The following WNT5B variants were observed in gnomAD, a reference collection of about 807,000 sequenced individuals.
WNT5B encodes the protein Wnt family member 5B.
In WNT5B, 18 loss-of-function variants were observed where a neutral mutation model predicts 36.5. That is an observed-to-expected ratio of 0.49 (90% confidence interval 0.34 to 0.73). WNT5B has a LOEUF of 0.73. WNT5B is among the 30% of genes least tolerant of loss of function. The pLI, the probability that WNT5B is intolerant of heterozygous loss-of-function variation, is 0.01. For missense variants in WNT5B, 424 were observed against 508.4 expected (o/e 0.83, Z 1.60); for synonymous variants, 213 against 212.3 (o/e 1.00, Z -0.03).
At chr12:1,642,729 T>C (rs1418483085) in intron 4 of WNT5B, among the ~76,000 whole-genome samples, 1 of 152,166 alleles carries the variant, frequency 6.6e-6, no homozygotes, top group Non-Finnish European at 1.5e-5. Flanking sequence ...TGTTGTCTTG[T>C]CCGGGCTGTT....
rs746356942 is a variant in WNT5B at position 1,632,181 on chromosome 12, T to C, written c.81-477T>C. ...AAAGGATTGATTGCTTTCCATGGCT[T>C]ATCATGTACTTGGGCTGCACTGAAC... is the stretch of plus-strand genomic sequence containing the variant. On this transcript the variant is annotated intron_variant, in intron 2 of 4. Coordinates refer to ENST00000397196, the MANE Select transcript of WNT5B (RefSeq NM_032642.3). The surrounding 1 kb of genome is among the most constrained non-coding windows in gnomAD (Gnocchi z 5.8). Among the ~76,000 whole-genome samples, 12 of 152,336 alleles carry C rather than the reference T, an allele frequency of 7.9e-5. No homozygotes were observed. Among genetic ancestry groups the C allele is most frequent in the Non-Finnish European group, 1.3e-4 (9 of 68,024 alleles).
At chr12:1,642,402 G>A (rs933951433) in intron 4 of WNT5B, among the ~76,000 whole-genome samples, 2 of 152,124 alleles carry the variant, frequency 1.3e-5, no homozygotes, top group Admixed American at 6.5e-5. Context: ...ATCTTCAATC[G>A]GGCATTCTTG....
intron 1 of WNT5B, among the ~76,000 whole-genome samples, chr12:1,621,052 CAA>C (rs759235124): frequency 2.4e-4 from 2 of 8,288 alleles, no homozygotes; most frequent in African/African-American, 5.4e-4. Context: ...TTTATCCTTT[CAA>C]GAGATAAGAA....
chr12:1,639,710 G>T lies in WNT5B; in HGVS notation c.355G>T (p.Ala119Ser). The T allele has an allele frequency of 6.3e-7, 1 of 1,582,632 alleles. No individual in the cohort carries two copies. The highest frequency in any genetic ancestry group is 8.6e-7 in the Non-Finnish European group (1 of 1,168,008). Residue 119 changes from alanine to serine, a missense_variant, in exon 4 of 5, where the codon GCG becomes TCG. Physicochemically the swap from Ala to Ser is moderately conservative, Grantham distance 99. Transcript: ENST00000397196. ...IGSRETAFTH[A>S]VSAAGVVNAI... ...CAGCCGAGAGACCGCCTTCACCCAC[G>T]CGGTGAGCGCCGCGGGCGTGGTCAA...
At chr12:1,622,082 G>C (rs551736689) in intron 1 of WNT5B, among the ~76,000 whole-genome samples, 64 of 148,908 alleles carry the variant, frequency 4.3e-4, no homozygotes, top group African/African-American at 1.5e-3. Context: ...GAGTACAGCT[G>C]CTCCCTTAGG....
intron 4 of WNT5B, among the ~76,000 whole-genome samples, chr12:1,640,388 T>C (rs572993040): frequency 6.6e-6 from 1 of 152,166 alleles, no homozygotes. Flanking sequence ...TGTTAAAGGC[T>C]CTGGTAATAG....
chr12:1,635,168 G>T (rs115920052), intron 3 of WNT5B, among the ~76,000 whole-genome samples: 230 of 152,316 alleles, frequency 1.5e-3, no homozygotes, highest in African/African-American at 5.3e-3. Flanking sequence ...AGACCCGACT[G>T]AAAGAGGCAG....
chr12:1,623,649 T>G (rs1021973349), intron 1 of WNT5B, among the ~76,000 whole-genome samples: 1 of 152,206 alleles, frequency 6.6e-6, no homozygotes, highest in Admixed American at 6.5e-5. Flanking sequence ...TGAGTTTCAC[T>G]GTTAAGGCCA....
intron 3 of WNT5B, among the ~76,000 whole-genome samples, chr12:1,637,098 T>C (rs2094563227): frequency 6.6e-6 from 1 of 152,164 alleles, no homozygotes; most frequent in Non-Finnish European, 1.5e-5. Context: ...GTGATCCTCC[T>C]GTCTCGGCCT....
At chr12:1,645,446 A>G (rs2094583567) in intron 4 of WNT5B, among the ~76,000 whole-genome samples, 1 of 152,218 alleles carries the variant, frequency 6.6e-6, no homozygotes, top group Non-Finnish European at 1.5e-5. Flanking sequence ...GCTTTGATCA[A>G]GATGGAGATA....
At chr12:1,624,497 C>T (rs2094538506), upstream of WNT5B, among the ~76,000 whole-genome samples, 1 of 151,654 alleles carries the variant, frequency 6.6e-6, no homozygotes, top group Non-Finnish European at 1.5e-5. Flanking sequence ...GTCAACCATT[C>T]AATTGCTGTA....
intron 1 of WNT5B, 32 bp from the exon 2 acceptor site, chr12:1,631,266 C>A: frequency 1.3e-6 from 2 of 1,573,652 alleles, no homozygotes; most frequent in South Asian, 1.2e-5. Flanking sequence ...CGCTGAGTTT[C>A]CACACTGACT....
upstream of WNT5B, among the ~76,000 whole-genome samples, chr12:1,628,965 G>A (rs2094545104): frequency 6.6e-6 from 1 of 151,942 alleles, no homozygotes; most frequent in South Asian, 2.1e-4. Context: ...GTGTATGGGG[G>A]AGTTCAGTTT....
At chr12:1,626,703 T>C (rs1181139728), upstream of WNT5B, among the ~76,000 whole-genome samples, 1 of 152,048 alleles carries the variant, frequency 6.6e-6, no homozygotes, top group East Asian at 1.9e-4. Flanking sequence ...TAGCTGGGAC[T>C]ACAGGCGCCC....
chr12:1,625,208 T>C (rs766569149), upstream of WNT5B, among the ~76,000 whole-genome samples: 7 of 152,056 alleles, frequency 4.6e-5, no homozygotes, highest in Non-Finnish European at 8.8e-5. Context: ...CGTTTTCAAA[T>C]AGGGGAATAT....
rs535040843 is a variant in WNT5B at position 1,630,170 on chromosome 12, A to T, written c.-58+799A>T. 5.0e-4 allele frequency: 497 copies of T among 985,212 alleles called. 1 individual carries two copies. The African/African-American group carries it at 7.9e-3, about 16-fold the overall frequency. The allele number at this position is 985,212 out of a possible 1,614,324, so 61.0% of individuals were successfully genotyped here. A position where few individuals can be genotyped will look rare whatever the true frequency, so the allele number is the denominator to read the frequency against. On this transcript the variant is annotated intron_variant, in intron 1 of 4. Coordinates refer to ENST00000397196, the MANE Select transcript of WNT5B (RefSeq NM_032642.3). The surrounding 1 kb of genome is among the most constrained non-coding windows in gnomAD (Gnocchi z 5.3). ...CCGCCCCCTCCCGGGGAGCCTGGGG[A>T]CGCCGACGCGCGAGAGTGGCGCAGT... is the stretch of plus-strand genomic sequence containing the variant.
chr12:1,617,814 T>C (rs139984711), intron 1 of WNT5B, among the ~76,000 whole-genome samples: 79 of 152,188 alleles, frequency 5.2e-4, no homozygotes, highest in African/African-American at 1.9e-3. Context: ...AAGACATTCA[T>C]ATTCCAAAGA....
At position 1,645,978 on chromosome 12, in the gene WNT5B, G is replaced by T. The variant is rs552195210; in HGVS notation, c.806G>T (p.Arg269Leu). 5.0e-6 allele frequency: 8 copies of T among 1,611,036 alleles called. No homozygotes were observed. The African/African-American group carries it at 8.0e-5, about 16-fold the overall frequency. The change falls in exon 5 of 5, where the codon CGC becomes CTC. Residue 269 changes from arginine to leucine, a missense_variant. Coordinates refer to ENST00000397196, the MANE Select transcript of WNT5B (RefSeq NM_032642.3). ...RKGRLELVNSRFTQPTPEDLV... is the reference protein window; with the variant it reads ...RKGRLELVNSLFTQPTPEDLV... ...GGCCGGCTGGAGCTGGTCAACAGCC[G>T]CTTCACCCAGCCCACCCCGGAGGAC...
chr12:1,619,047 G>A (rs901622477), intron 1 of WNT5B, among the ~76,000 whole-genome samples: 1 of 151,988 alleles, frequency 6.6e-6, no homozygotes, highest in Non-Finnish European at 1.5e-5. Flanking sequence ...CTGGGGAAGG[G>A]TAGTTTAGCA....
Sources: gnomAD v4.1 joint callset for allele counts (sites outside exome capture counted in the v4.1 genomes callset) on GRCh38, gnomAD v4.1.1 for gene constraint, Gnocchi (gnomAD v3.1) non-coding constraint, MANE v1.5 for transcripts, NCBI Gene and HGNC (gene_info 2026-07-23, HGNC 2026-07-21) for gene names.